DSCAM: variants seen among roughly 807,000 people sequenced by gnomAD.
DSCAM encodes the protein DS cell adhesion molecule, also known as cell adhesion molecule DSCAM.
A neutral mutation model predicts 217.7 loss-of-function variants in DSCAM; 47 were observed. The ratio of observed to expected loss-of-function variants is 0.22; its 90% CI spans 0.17 to 0.28. The LOEUF is 0.28. Ranked by LOEUF, DSCAM falls within the 10% of genes least tolerant of loss-of-function variation. The pLI is 1.00. For missense variants in DSCAM, 2,080 were observed against 2,618.3 expected (o/e 0.79, Z 4.49); for synonymous variants, 1,056 against 1,015.3 (o/e 1.04, Z -0.76).
At chr21:40,090,207 C>T (rs1463333543) in intron 21 of DSCAM, among the ~76,000 whole-genome samples, 1 of 152,126 alleles carries the variant, frequency 6.6e-6, no homozygotes, top group Non-Finnish European at 1.5e-5. Flanking sequence ...CTCGTTTCTC[C>T]CTCTCTACTG....
chr21:40,648,250 T>TACACACACACACAC (rs10639388), intron 3 of DSCAM, among the ~76,000 whole-genome samples: 21 of 145,800 alleles, frequency 1.4e-4, no homozygotes, highest in East Asian at 8.4e-4. Context: ...CATATCCCTG[T>TACACACACACACAC]ACACACACAC....
At chr21:40,207,556 A>G (rs1280498721) in intron 11 of DSCAM, among the ~76,000 whole-genome samples, 1 of 152,252 alleles carries the variant, frequency 6.6e-6, no homozygotes, top group Non-Finnish European at 1.5e-5. Context: ...TTGCAATCTT[A>G]TTGATTATAG....
chr21:40,440,903 T>C (rs533135592), intron 3 of DSCAM, among the ~76,000 whole-genome samples: 6 of 152,200 alleles, frequency 3.9e-5, no homozygotes, highest in Non-Finnish European at 7.3e-5. Flanking sequence ...AATACAGTTA[T>C]CATCAATGTT....
intron 20 of DSCAM, among the ~76,000 whole-genome samples, chr21:40,100,781 G>T (rs2089740295): frequency 6.6e-6 from 1 of 152,056 alleles, no homozygotes; most frequent in South Asian, 2.1e-4. Context: ...AAATCTGTGG[G>T]GAAGCAACAG....
intron 26 of DSCAM, among the ~76,000 whole-genome samples, chr21:40,077,418 G>A (rs899901370): frequency 4.6e-5 from 7 of 152,172 alleles, no homozygotes; most frequent in Non-Finnish European, 8.8e-5. Flanking sequence ...AAATTGGTCC[G>A]ATGAAAATCC....
intron 3 of DSCAM, among the ~76,000 whole-genome samples, chr21:40,595,396 A>AGAAAG (rs1430361533): frequency 1.3e-5 from 2 of 151,896 alleles, no homozygotes; most frequent in East Asian, 3.9e-4. Flanking sequence ...AGAAAAGAAA[A>AGAAAG]GAGGAAGGAA....
chr21:40,036,704 A>G (rs2088631150), intron 32 of DSCAM, among the ~76,000 whole-genome samples: 1 of 145,704 alleles, frequency 6.9e-6, no homozygotes, highest in Non-Finnish European at 1.5e-5. Context: ...CCAGGCAGAG[A>G]CACAACCAAA....
intron 3 of DSCAM, among the ~76,000 whole-genome samples, chr21:40,488,290 C>G (rs1044071803): frequency 2.0e-5 from 3 of 152,314 alleles, no homozygotes; most frequent in East Asian, 1.9e-4. Context: ...AAGGGCTGCT[C>G]TGCTAAAGTG....
At chr21:40,523,450 C>G (rs1175871898) in intron 3 of DSCAM, among the ~76,000 whole-genome samples, 2 of 152,084 alleles carry the variant, frequency 1.3e-5, no homozygotes, top group African/African-American at 2.4e-5. Flanking sequence ...AAGAGCACAC[C>G]GACAGAAGCC....
At chr21:40,048,596 T>C (rs2088879781) in intron 30 of DSCAM, among the ~76,000 whole-genome samples, 1 of 152,274 alleles carries the variant, frequency 6.6e-6, no homozygotes, top group South Asian at 2.1e-4. Flanking sequence ...GCAGTCATTC[T>C]GGTATGCAAG....
intron 30 of DSCAM, among the ~76,000 whole-genome samples, chr21:40,048,210 G>A (rs918888578): frequency 7.9e-5 from 12 of 152,178 alleles, no homozygotes; most frequent in South Asian, 6.2e-4. Context: ...CAAGTGCTCC[G>A]GGCACATGGC....
intron 3 of DSCAM, among the ~76,000 whole-genome samples, chr21:40,665,644 T>C (rs73905038): frequency 0.045 from 6,827 of 152,252 alleles, 412 homozygotes; most frequent in African/African-American, 0.14. Context: ...ATTATTTACA[T>C]GATTACTTGA....
At chr21:40,313,297 G>A (rs145453050) in intron 8 of DSCAM, among the ~76,000 whole-genome samples, 1 of 152,056 alleles carries the variant, frequency 6.6e-6, no homozygotes, top group Non-Finnish European at 1.5e-5. Flanking sequence ...ATTGTGAACT[G>A]GTCCGTGGCA....
chr21:40,168,587 A>C (rs558936498), intron 15 of DSCAM, among the ~76,000 whole-genome samples: 13 of 152,224 alleles, frequency 8.5e-5, no homozygotes, highest in Non-Finnish European at 1.9e-4. Context: ...AGTTCTGTGG[A>C]CATTTGCAAA....
At chr21:40,087,136 T>C (rs767819495) in intron 22 of DSCAM, 34 bp downstream of exon 22, 1 of 1,431,008 alleles carries the variant, frequency 7.0e-7, no homozygotes, top group Non-Finnish European at 9.9e-7. Context: ...TCTCTTAGAG[T>C]CTCACTGAAG....
intron 32 of DSCAM, among the ~76,000 whole-genome samples, chr21:40,032,685 C>T (rs1002118806): frequency 7.2e-5 from 11 of 152,100 alleles, no homozygotes; most frequent in African/African-American, 2.4e-4. Context: ...CTATGCTCCC[C>T]TTTGGGAACC....
Position 40,278,723 on chromosome 21 carries a change from A to AGAGGAGGAAGAGAAG in DSCAM, c.2183-2468_2183-2454dup, listed in dbSNP as rs1569038207. Among the ~76,000 whole-genome samples the AGAGGAGGAAGAGAAG allele has an allele frequency of 7.9e-5, 12 of 152,088 alleles. No homozygotes were observed. The South Asian group carries it at 2.5e-3, about 32-fold the overall frequency. On this transcript the variant is annotated intron_variant, in intron 10 of 32. Coordinates refer to ENST00000400454, the MANE Select transcript of DSCAM (RefSeq NM_001389.5). Reference sequence around the variant, plus strand: ...AGATCTTGTCTCTAAAACAAGTGGAAGAGGAGGAAGAGAAGGAGGAGGAGG... The same window carrying AGAGGAGGAAGAGAAG: ...AGATCTTGTCTCTAAAACAAGTGGAAGAGGAGGAAGAGAAGGAGGAGGAAGAGAAGGAGGAGGAGG...
At chr21:40,530,521 C>T (rs933035395) in intron 3 of DSCAM, among the ~76,000 whole-genome samples, 10 of 152,126 alleles carry the variant, frequency 6.6e-5, no homozygotes, top group African/African-American at 2.2e-4. Context: ...AATTGCATAT[C>T]CACCCTATAG....
intron 3 of DSCAM, among the ~76,000 whole-genome samples, chr21:40,458,793 A>T (rs925928048): frequency 6.6e-6 from 1 of 152,118 alleles, no homozygotes; most frequent in Non-Finnish European, 1.5e-5. Context: ...AAAAATTGCC[A>T]ATCTTGAAGA....
Sources: allele counts gnomAD v4.1 joint callset (sites outside exome capture counted in the v4.1 genomes callset), GRCh38; gene constraint gnomAD v4.1.1; transcripts MANE v1.5; gene names NCBI Gene and HGNC (gene_info 2026-07-23, HGNC 2026-07-21).